ZNF728: variants seen among roughly 807,000 people sequenced by gnomAD.
ZNF728 encodes the protein zinc finger protein 728.
A neutral mutation model predicts 12.5 loss-of-function variants in ZNF728; 12 were observed. The observed-to-expected ratio is 0.96, with a 90% CI of 0.61 to 1.55. The LOEUF is 1.55. Ranked by LOEUF, ZNF728 falls within the 40% of genes most tolerant of loss-of-function variation. The pLI, the probability that ZNF728 is intolerant of heterozygous loss-of-function variation, is 0.00. For synonymous variants in ZNF728, 205 were observed against 240.7 expected, an observed-to-expected ratio of 0.85 and a Z score of 1.37; for missense variants, 692 against 719.2, an observed-to-expected ratio of 0.96 and a Z score of 0.43.
chr19:23,000,887 CAA>C (rs150522126), intron 1 of ZNF728, among the ~76,000 whole-genome samples: 17 of 125,392 alleles, frequency 1.4e-4, no homozygotes, highest in African/African-American at 2.8e-4. Context: ...AAAAAAAAAC[CAA>C]AAAAAAAAAA....
chr19:22,988,384 G>A lies in ZNF728; in HGVS notation c.71C>T (p.Ala24Val). ...SLEEWQCLDT[A>V]QQNLYRNVML... The stretch of plus-strand genomic sequence containing the variant: ...CACATTCCTATATAAATTCTGCTGT[G>A]CAGTGTCCAGGCATTGCCACTCCTC... Residue 24 changes from alanine (A) to valine (V), a missense_variant, in exon 2 of 4, where the codon GCA (alanine) becomes GTA (valine). Ala to Val is a moderately conservative substitution (Grantham distance 64, BLOSUM62 0). Around this residue, in one of 3 missense-constraint regions of ZNF728, gnomAD observed 440 missense variants for 459.6 expected, o/e 0.96. Coordinates refer to ENST00000594710, the MANE Select transcript of ZNF728 (RefSeq NM_001267716.2). The A allele has an allele frequency of 6.2e-7, 1 of 1,614,100 alleles. No homozygotes were observed. Among genetic ancestry groups the A allele is most frequent in the Non-Finnish European group, 8.5e-7 (1 of 1,180,020 alleles).
intron 1 of ZNF728, among the ~76,000 whole-genome samples, chr19:22,988,804 C>A (rs1446015702): frequency 6.6e-6 from 1 of 152,074 alleles, no homozygotes; most frequent in Non-Finnish European, 1.5e-5. Flanking sequence ...GTAATCCCAG[C>A]ACTTTGGGAG....
Position 22,975,944 on chromosome 19 carries a change from A to G in ZNF728, c.1393T>C (p.Ser465Pro). 2 of 1,606,450 alleles carry G rather than the reference A, an allele frequency of 1.2e-6. No individual in the cohort carries two copies. Among genetic ancestry groups the G allele is most frequent in the Non-Finnish European group, 1.7e-6 (2 of 1,174,456 alleles). ...EECGKVFSWS[S>P]SLTTHKAIHA... ...ATTGCCTTATGTGTAGTAAGGCTTG[A>G]GGACCAGCTGAAGACTTTGCCACAT... The change falls in exon 4 of 4, where the codon TCA becomes CCA. Residue 465 changes from serine to proline, a missense_variant. Physicochemically the swap from Ser to Pro is moderately conservative, Grantham distance 74 (BLOSUM62 -1). This residue lies in a region of ZNF728 where 244 missense variants were observed against 235.2 expected (regional missense o/e 1.04). Transcript: ENST00000594710.
intron 1 of ZNF728, 48 bp downstream of exon 1, chr19:23,002,980 C>T (rs1407909255): frequency 3.2e-6 from 5 of 1,586,566 alleles, no homozygotes; most frequent in East Asian, 4.7e-5. Flanking sequence ...CCACCGGTTC[C>T]AACCAGCGGC....
At chr19:22,984,658 T>C (rs1342496049) in intron 3 of ZNF728, among the ~76,000 whole-genome samples, 1 of 150,918 alleles carries the variant, frequency 6.6e-6, no homozygotes, top group Non-Finnish European at 1.5e-5. Flanking sequence ...TCAAGCATGC[T>C]CTTATGCAAA....
intron 3 of ZNF728, among the ~76,000 whole-genome samples, chr19:22,986,052 T>G (rs922994963): frequency 2.0e-5 from 3 of 152,184 alleles, no homozygotes; most frequent in Non-Finnish European, 2.9e-5. Flanking sequence ...CTAACCCTAG[T>G]GCAGAGCCAG....
intron 3 of ZNF728, among the ~76,000 whole-genome samples, chr19:22,980,432 G>C (rs191104459): frequency 3.8e-4 from 58 of 152,152 alleles, no homozygotes; most frequent in African/African-American, 1.4e-3. Context: ...TATAATAGTG[G>C]GAGACTTTAA....
intron 3 of ZNF728, among the ~76,000 whole-genome samples, chr19:22,978,766 G>T (rs1471133805): frequency 3.3e-5 from 5 of 152,304 alleles, no homozygotes; most frequent in African/African-American, 1.2e-4. Flanking sequence ...CAGCAGAGGG[G>T]CCTGACTGTT....
rs1968783933 is a variant in ZNF728 at position 22,975,540 on chromosome 19, T to C, written c.1797A>G (p.Lys599=). 2 of 1,578,958 alleles carry C rather than the reference T, an allele frequency of 1.3e-6. No individual in the cohort carries two copies. Among genetic ancestry groups the C allele is most frequent in the African/African-American group, 1.4e-5 (1 of 73,738 alleles). The change falls in exon 4 of 4, where the codon AAA becomes AAG. Residue 599 remains lysine (K), a synonymous_variant. Coordinates refer to ENST00000594710, the MANE Select transcript of ZNF728 (RefSeq NM_001267716.2). ...KKFYKCEECG[K]DFNQSSHLTT... Reference sequence around the variant, plus strand: ...TAAGGTGTGAGGATTGGTTGAAGTCTTTACCACATTCTTCACATTTGTAGA... The same window carrying C: ...TAAGGTGTGAGGATTGGTTGAAGTCCTTACCACATTCTTCACATTTGTAGA...
At chr19:23,000,722 G>A (rs2453972) in intron 1 of ZNF728, among the ~76,000 whole-genome samples, 46,334 of 151,574 alleles carry the variant, frequency 0.31, 9,173 homozygotes, top group African/African-American at 0.57. Context: ...ACAAAAAGTA[G>A]CCAGGTGTGG....
In ZNF728 at chr19:22,976,537, C is replaced by T. The variant is rs751059458; in HGVS notation, c.800G>A (p.Arg267Gln). ...KCEECGKAFT[R>Q]SSSLIEHKRS... The stretch of plus-strand genomic sequence containing the variant: ...CTTATGTTCAATAAGGCTTGAGGAC[C>T]GGGTGAAGGCTTTGCCACATTCTTC... The change falls in exon 4 of 4, where the codon CGG becomes CAG. Residue 267 changes from arginine (R) to glutamine (Q), a missense_variant. Arg to Gln is a conservative substitution (Grantham distance 43, BLOSUM62 1). Coordinates refer to ENST00000594710, the MANE Select transcript of ZNF728 (RefSeq NM_001267716.2). The T allele has an allele frequency of 3.0e-5, 49 of 1,610,696 alleles. No homozygotes were observed. Among genetic ancestry groups the T allele is most frequent in the East Asian group, 2.2e-4 (10 of 44,694 alleles).
intron 1 of ZNF728, among the ~76,000 whole-genome samples, chr19:22,989,996 T>C (rs973397275): frequency 2.0e-5 from 3 of 152,208 alleles, no homozygotes; most frequent in Non-Finnish European, 2.9e-5. Flanking sequence ...CAAAGGGACA[T>C]TTTAAATATT....
intron 1 of ZNF728, among the ~76,000 whole-genome samples, chr19:23,002,215 T>A (rs1969120733): frequency 6.6e-6 from 1 of 152,190 alleles, no homozygotes; most frequent in Admixed American, 6.5e-5. Context: ...CCTGAGAGGC[T>A]AAGGCAGGAG....
chr19:23,003,045 G>A lies in ZNF728; in HGVS notation c.-15C>T. The A allele has an allele frequency of 4.4e-6, 7 of 1,582,032 alleles. No individual in the cohort carries two copies. Among genetic ancestry groups the A allele is most frequent in the Non-Finnish European group, 6.0e-6 (7 of 1,164,348 alleles). On this transcript the variant is annotated 5_prime_UTR_variant, in exon 1 of 4. Transcript: ENST00000594710. ...TGACTCACCATTTCTAGGCTTCCGG[G>A]GGTCCTGGCGACTTAGTTGTGAATC...
chr19:22,995,025 T>C (rs1969033726), intron 1 of ZNF728: 1 of 153,428 alleles, frequency 6.5e-6, no homozygotes, highest in South Asian at 2.1e-4. Flanking sequence ...CTGGGTAGAA[T>C]TGCACCTTCA....
At chr19:22,989,217 A>ATT (rs5827548) in intron 1 of ZNF728, among the ~76,000 whole-genome samples, 95 of 149,000 alleles carry the variant, frequency 6.4e-4, no homozygotes, top group African/African-American at 1.9e-3. Flanking sequence ...GCAGATTATT[A>ATT]TTTTTTTTTT....
At chr19:22,984,966 T>C (rs1036292415) in intron 3 of ZNF728, among the ~76,000 whole-genome samples, 1 of 152,132 alleles carries the variant, frequency 6.6e-6, no homozygotes, top group African/African-American at 2.4e-5. Flanking sequence ...ATGCAACACA[T>C]ATATATACTT....
intron 3 of ZNF728, among the ~76,000 whole-genome samples, chr19:22,986,710 G>T (rs1314831843): frequency 1.3e-5 from 2 of 151,552 alleles, no homozygotes; most frequent in Admixed American, 6.6e-5. Flanking sequence ...TATTCCAGTG[G>T]TTTTTTTTCA....
chr19:22,976,264 T>C lies in ZNF728; in HGVS notation c.1073A>G (p.His358Arg), dbSNP rs781530553. 1.1e-5 allele frequency: 17 copies of C among 1,613,126 alleles called. No individual in the cohort carries two copies. The highest frequency in any genetic ancestry group is 2.2e-5 in the East Asian group (1 of 44,870). ...TTTCTCTCCAGTATGAATTACCTTATGTTTAGTAAGGGTTGAGAAGTTACC... is the reference window on the plus strand; with the variant it reads ...TTTCTCTCCAGTATGAATTACCTTACGTTTAGTAAGGGTTGAGAAGTTACC... ...AFGNFSTLTK[H>R]KVIHTGEKPY... The change falls in exon 4 of 4, where the codon CAT becomes CGT. Residue 358 changes from histidine to arginine, a missense_variant. His to Arg is a conservative substitution (Grantham distance 29). Around this residue, in one of 3 missense-constraint regions of ZNF728, gnomAD observed 440 missense variants for 459.6 expected, o/e 0.96. Coordinates refer to ENST00000594710, the MANE Select transcript of ZNF728 (RefSeq NM_001267716.2).
Sources: allele counts gnomAD v4.1 joint callset (sites outside exome capture counted in the v4.1 genomes callset), GRCh38; gene constraint gnomAD v4.1.1; regional missense constraint gnomAD v4.1.1; transcripts MANE v1.5; gene names NCBI Gene and HGNC (gene_info 2026-07-23, HGNC 2026-07-21).